The following RUFY2 variants were observed in gnomAD, a reference collection of about 807,000 sequenced individuals.
RUFY2 encodes the protein RUN and FYVE domain containing 2.
Under a neutral mutation model 94.4 loss-of-function variants are expected in RUFY2, and 49 were observed. That is an observed-to-expected ratio of 0.52 (90% CI 0.41 to 0.66). RUFY2 has a LOEUF of 0.66. Ranked by LOEUF, RUFY2 falls within the 30% of genes least tolerant of loss-of-function variation. The probability of loss-of-function intolerance (pLI) is 0.00; values close to 1 mark genes in which losing one functional copy is unlikely to be tolerated. For missense variants in RUFY2, 541 were observed against 692.8 expected (o/e 0.78, Z 2.46); for synonymous variants, 255 against 235.7 (o/e 1.08, Z -0.75).
intron 3 of RUFY2, among the ~76,000 whole-genome samples, chr10:68,400,999 C>G (rs1226408282): frequency 2.0e-5 from 3 of 147,730 alleles, no homozygotes; most frequent in Middle Eastern, 3.2e-3. Flanking sequence ...GGCGACAGAG[C>G]GAGACTCCGT....
intron 3 of RUFY2, 74 bp downstream of exon 3, chr10:68,401,546 G>A (rs1590003823): frequency 5.8e-6 from 5 of 856,288 alleles, no homozygotes; most frequent in Non-Finnish European, 1.0e-5. Flanking sequence ...CAATAAGCTA[G>A]AGTGTGAGGT....
chr10:68,353,942 C>T (rs547826208), intron 16 of RUFY2, among the ~76,000 whole-genome samples: 5 of 152,092 alleles, frequency 3.3e-5, no homozygotes, highest in African/African-American at 9.6e-5. Flanking sequence ...CATATGATGA[C>T]GTTAATATAT....
At chr10:68,403,793 CTT>C (rs34271308) in intron 2 of RUFY2, among the ~76,000 whole-genome samples, 15,885 of 140,020 alleles carry the variant, frequency 0.11, 969 homozygotes, top group South Asian at 0.25. Context: ...ATCTTTGAAT[CTT>C]TTTTTTTTTT....
At position 68,397,002 on chromosome 10, in the gene RUFY2, T is replaced by C. The variant is rs774089600; in HGVS notation, c.297-121A>G. The C allele has an allele frequency of 3.3e-5, 21 of 634,490 alleles. 1 individual carries two copies. Among genetic ancestry groups the C allele is most frequent in the East Asian group, 5.5e-5 (2 of 36,360 alleles). The allele number at this position is 634,490 out of a possible 1,614,324, so 39.3% of individuals were successfully genotyped here. On this transcript the variant is annotated intron_variant, in intron 3 of 17. Transcript: ENST00000602465. The stretch of plus-strand genomic sequence containing the variant: ...TTTATAATGGTTTTGTTTTCATTTT[T>C]ATAGGTTTATCTTTTTGAGCACACA...
At chr10:68,394,845 A>G (rs985691321) in intron 4 of RUFY2, among the ~76,000 whole-genome samples, 3 of 151,652 alleles carry the variant, frequency 2.0e-5, no homozygotes, top group Non-Finnish European at 4.4e-5. Flanking sequence ...TAGCCAAGAT[A>G]GTCTCGATCT....
chr10:68,362,639 A>C (rs1169994630), intron 15 of RUFY2, among the ~76,000 whole-genome samples: 4 of 152,050 alleles, frequency 2.6e-5, no homozygotes, highest in Non-Finnish European at 4.4e-5. Flanking sequence ...AACAATAAAA[A>C]ATTAGTAGGG....
chr10:68,353,418 A>G (rs1338629838), intron 16 of RUFY2, among the ~76,000 whole-genome samples: 2 of 151,862 alleles, frequency 1.3e-5, no homozygotes, highest in Non-Finnish European at 2.9e-5. Context: ...GAATCACTGA[A>G]CCAGGGAGGC....
In RUFY2 at chr10:68,345,721, ACATT is replaced by A; in HGVS notation, c.*43_*46del. 1 of 1,558,782 alleles carries A rather than the reference ACATT, an allele frequency of 6.4e-7. No homozygotes were observed. Among genetic ancestry groups the A allele is most frequent in the South Asian group, 1.2e-5 (1 of 86,952 alleles). ...GGTTACCTTTGTATACAACATCATA[ACATT>A]CATTGTAGGTAATTTCATACATAAG... On this transcript the variant is annotated 3_prime_UTR_variant, in exon 18 of 18. Transcript: ENST00000602465.
At chr10:68,350,508 T>TA (rs1357600061) in intron 16 of RUFY2, among the ~76,000 whole-genome samples, 3 of 152,028 alleles carry the variant, frequency 2.0e-5, no homozygotes, top group Admixed American at 6.6e-5. Context: ...AGTTTCCACA[T>TA]AAAAAAACTG....
chr10:68,379,617 A>G, intron 11 of RUFY2, 96 bp from the exon 12 acceptor site: 1 of 792,282 alleles, frequency 1.3e-6, no homozygotes, highest in Non-Finnish European at 2.0e-6. Flanking sequence ...GGGTATCACT[A>G]TGCAGCCCAG....
intron 12 of RUFY2, chr10:68,378,674 C>T (rs758178892): frequency 2.5e-6 from 4 of 1,602,236 alleles, no homozygotes; most frequent in East Asian, 4.5e-5. Context: ...GTTGTCACTT[C>T]ATAATGGAAT....
intron 16 of RUFY2, among the ~76,000 whole-genome samples, chr10:68,354,321 C>T (rs2046900078): frequency 6.6e-6 from 1 of 152,030 alleles, no homozygotes; most frequent in Non-Finnish European, 1.5e-5. Context: ...AGACTATAGA[C>T]CTGCACCACC....
chr10:68,384,884 C>T (rs2049360699), intron 8 of RUFY2, among the ~76,000 whole-genome samples: 1 of 152,134 alleles, frequency 6.6e-6, no homozygotes, highest in Admixed American at 6.6e-5. Context: ...CTATAATGGT[C>T]CCGATCAGGA....
chr10:68,374,061 G>A (rs1169290850), intron 13 of RUFY2, among the ~76,000 whole-genome samples: 4 of 143,464 alleles, frequency 2.8e-5, no homozygotes, highest in Non-Finnish European at 4.5e-5. Flanking sequence ...AGGCTGCAGT[G>A]AGCTATGATC....
intron 11 of RUFY2, among the ~76,000 whole-genome samples, chr10:68,380,070 A>G (rs2048940271): frequency 6.6e-6 from 1 of 151,148 alleles, no homozygotes; most frequent in Non-Finnish European, 1.5e-5. Context: ...GGCCTCCCAA[A>G]GTGCTGGGAT....
At chr10:68,380,056 C>A (rs1018545827) in intron 11 of RUFY2, among the ~76,000 whole-genome samples, 1 of 151,938 alleles carries the variant, frequency 6.6e-6, no homozygotes, top group African/African-American at 2.4e-5. Context: ...GATCTGCCCG[C>A]CTTGGCCTCC....
intron 15 of RUFY2, among the ~76,000 whole-genome samples, chr10:68,357,839 C>G (rs2047167801): frequency 6.6e-6 from 1 of 152,118 alleles, no homozygotes; most frequent in African/African-American, 2.4e-5. Context: ...TAATTATCTA[C>G]TGTTGATCTT....
chr10:68,395,473 A>C (rs2133102987), intron 4 of RUFY2, among the ~76,000 whole-genome samples: 2 of 152,242 alleles, frequency 1.3e-5, no homozygotes, highest in Middle Eastern at 6.8e-3. Context: ...ATTTATTAAG[A>C]CCCTTGGGAT....
In RUFY2 at chr10:68,375,817, G is replaced by A. The variant is rs187609672; in HGVS notation, c.1325+1036C>T. Among the ~76,000 whole-genome samples, 572 of 151,360 alleles carry A rather than the reference G, an allele frequency of 3.8e-3. 8 individuals carry two copies. The highest frequency in any genetic ancestry group is 0.012 in the African/African-American group (501 of 41,292). ...CAGACACAATTAAAACAAAAAGTTC[G>A]CCAGGCACAGTGGCTCACGCCTGTA... On this transcript the variant is annotated intron_variant, in intron 13 of 17. Coordinates refer to ENST00000602465, the MANE Select transcript of RUFY2 (RefSeq NM_001330103.2).
Sources: allele counts gnomAD v4.1 joint callset (sites outside exome capture counted in the v4.1 genomes callset), GRCh38; gene constraint gnomAD v4.1.1; transcripts MANE v1.5; gene names NCBI Gene and HGNC (gene_info 2026-07-23, HGNC 2026-07-21).